The following CILP variants were observed in gnomAD, a reference collection of about 807,000 sequenced individuals.
The protein encoded by CILP is cartilage intermediate layer protein, also known as cartilage intermediate layer protein 1.
A neutral mutation model predicts 82.5 loss-of-function variants in CILP; 75 were observed. The observed-to-expected ratio is 0.91, with a 90% CI of 0.75 to 1.10. The LOEUF (loss-of-function observed/expected upper bound fraction) is 1.10, where lower values mean the gene tolerates loss of function less well. Ranked by LOEUF, CILP falls within the 50% of genes least tolerant of loss-of-function variation. The pLI, the probability that CILP is intolerant of heterozygous loss-of-function variation, is 0.00. For missense variants in CILP, 1,479 were observed against 1,530.8 expected (o/e 0.97, Z 0.56); for synonymous variants, 530 against 580.3 (o/e 0.91, Z 1.25).
rs1481201435 is a variant in CILP at position 65,201,785 on chromosome 15, T to C, written c.1186+87A>G. The C allele has an allele frequency of 1.4e-5, 11 of 761,072 alleles. No individual in the cohort carries two copies. In the East Asian group the frequency reaches 3.0e-4, roughly 21 times the overall value. The allele number at this position is 761,072 out of a possible 1,614,324, so 47.1% of individuals were successfully genotyped here. On this transcript the variant is annotated intron_variant, in intron 8 of 8. Coordinates refer to ENST00000261883, the MANE Select transcript of CILP (RefSeq NM_003613.4). ...AAAAGAAAAGAAAAAAGAAAAGCCTTAGCTATTACTGCATAGTTATGCCCA... is the reference window on the plus strand; with the variant it reads ...AAAAGAAAAGAAAAAAGAAAAGCCTCAGCTATTACTGCATAGTTATGCCCA...
chr15:65,203,196 A>G (rs1020897698), intron 7 of CILP, among the ~76,000 whole-genome samples, 166 bp downstream of exon 7: 4 of 151,926 alleles, frequency 2.6e-5, no homozygotes, highest in East Asian at 3.9e-4. Context: ...CTGGCTCCCA[A>G]CCCCATGGCT....
chr15:65,202,101 C>T, intron 7 of CILP, 72 bp from the exon 8 acceptor site: 3 of 1,326,188 alleles, frequency 2.3e-6, no homozygotes, highest in Non-Finnish European at 3.0e-6. Context: ...GTGCCAGGAG[C>T]AGGCAGCCAA....
intron 7 of CILP, among the ~76,000 whole-genome samples, chr15:65,202,527 A>G (rs1227475747): frequency 4.6e-5 from 7 of 151,936 alleles, no homozygotes; most frequent in African/African-American, 1.7e-4. Context: ...TCCCAGGTTC[A>G]AGCGATTCTC....
chr15:65,206,756 G>A (rs1225450885), intron 4 of CILP, 26 bp downstream of exon 4: 2 of 1,591,490 alleles, frequency 1.3e-6, no homozygotes, highest in South Asian at 2.2e-5. Flanking sequence ...GAAGTAGCGG[G>A]TGGGGGTGGG....
At chr15:65,210,225 C>T (rs900040259) in intron 1 of CILP, among the ~76,000 whole-genome samples, 2 of 152,058 alleles carry the variant, frequency 1.3e-5, no homozygotes, top group Non-Finnish European at 2.9e-5. Flanking sequence ...GTTTTGCCAT[C>T]CTTTGATGGA....
chr15:65,205,605 C>T (rs1595960144), intron 4 of CILP, 139 bp from the exon 5 acceptor site: 3 of 913,094 alleles, frequency 3.3e-6, no homozygotes, highest in South Asian at 3.6e-5. Flanking sequence ...TTTATATTTA[C>T]TGCAGTGATT....
At position 65,194,856 on chromosome 15, in the gene CILP, C is replaced by CG. The variant is rs2088343655; in HGVS notation, c.*1874_*1875insC. On this transcript the variant is annotated 3_prime_UTR_variant, in exon 9 of 9. Coordinates refer to ENST00000261883, the MANE Select transcript of CILP (RefSeq NM_003613.4). ...AGTCAGCCCACCTTCCCCAGCAACC[C>CG]ACCCCCCCCCGACCCTCCCCCTCCC... 2 of 136,940 alleles carry CG rather than the reference C, an allele frequency of 1.5e-5. No homozygotes were observed. Among genetic ancestry groups the CG allele is most frequent in the Non-Finnish European group, 3.2e-5 (2 of 62,516 alleles). The allele number at this position is 136,940 out of a possible 1,614,324, so 8.5% of individuals were successfully genotyped here. A position where few individuals can be genotyped will look rare whatever the true frequency, so the allele number is the denominator to read the frequency against.
At position 65,203,400 on chromosome 15, in the gene CILP, A is replaced by G; in HGVS notation, c.990T>C (p.Cys330=). The G allele has an allele frequency of 6.2e-7, 1 of 1,613,412 alleles. No individual in the cohort carries two copies. The highest frequency in any genetic ancestry group is 8.5e-7 in the Non-Finnish European group (1 of 1,179,978). Residue 330 remains cysteine (C), a synonymous_variant, in exon 7 of 9, where the codon TGT becomes TGC. Transcript: ENST00000261883. The stretch of plus-strand genomic sequence containing the variant: ...CTGGCCTGGGCTTCCCTGTGGCCTT[A>G]CAGCACAGAGACACGCTCTGCCCAG... The part of the protein sequence containing the change: ...RRAGQSVSLC[C]KATGKPRPDK...
rs1384590102 is a variant in CILP at position 65,207,667 on chromosome 15, C to A, written c.154+5G>T. On this transcript the variant is annotated splice_donor_5th_base_variant and intron_variant, in intron 3 of 8. Coordinates refer to ENST00000261883, the MANE Select transcript of CILP (RefSeq NM_003613.4). ...CAGCCCCTCCCTGCTTCAGCCACAACTCACTCTCCAGGGTGTCGGCAGGCT... is the reference window on the plus strand; with the variant it reads ...CAGCCCCTCCCTGCTTCAGCCACAAATCACTCTCCAGGGTGTCGGCAGGCT... 3.1e-6 allele frequency: 5 copies of A among 1,613,888 alleles called. No homozygotes were observed. The highest frequency in any genetic ancestry group is 3.4e-6 in the Non-Finnish European group (4 of 1,179,762).
chr15:65,208,440 A>T (rs994806940), intron 2 of CILP, among the ~76,000 whole-genome samples: 1 of 152,194 alleles, frequency 6.6e-6, no homozygotes, highest in Non-Finnish European at 1.5e-5. Context: ...TCATTCATAA[A>T]ATCCACTTAG....
rs1175496018 is a variant in CILP, at chr15:65,205,284, T to C, written c.604+3A>G. ...TGCCCAGTGCCAGGAGGGAGGGTGG[T>C]ACCTGTACAGTCCTGGCCCATGCAG... On this transcript the variant is annotated splice_donor_region_variant and intron_variant, in intron 5 of 8. Coordinates refer to ENST00000261883, the MANE Select transcript of CILP (RefSeq NM_003613.4). The C allele has an allele frequency of 1.2e-6, 2 of 1,602,234 alleles. No individual in the cohort carries two copies. The highest frequency in any genetic ancestry group is 1.7e-6 in the Non-Finnish European group (2 of 1,171,804).
rs1470883895 is a variant in CILP, at chr15:65,196,760, T to C, written c.3526A>G (p.Arg1176Gly). The C allele has an allele frequency of 3.2e-6, 5 of 1,563,322 alleles. No individual in the cohort carries two copies. The highest frequency in any genetic ancestry group is 4.3e-6 in the Non-Finnish European group (5 of 1,153,064). Residue 1176 changes from arginine (R) to glycine (G), a missense_variant, in exon 9 of 9, where the codon AGA becomes GGA. By Grantham distance (125) the Arg-to-Gly change is moderately radical. Transcript: ENST00000261883. ...GGVVASLRFPRVAQQPLIN is the reference protein window; with the variant it reads ...GGVVASLRFPGVAQQPLIN ...TTGATCAGGGGCTGTTGAGCAACTC[T>C]AGGAAATCTCAGAGAGGCCACCACT... is the stretch of plus-strand genomic sequence containing the variant.
At chr15:65,203,115 G>A (rs1403317375) in intron 7 of CILP, among the ~76,000 whole-genome samples, 1 of 152,174 alleles carries the variant, frequency 6.6e-6, no homozygotes, top group African/African-American at 2.4e-5. Flanking sequence ...GGGATTACAG[G>A]CGTGAGCTAC....
At chr15:65,207,904 G>C (rs2088535957) in intron 2 of CILP, 140 bp from the exon 3 acceptor site, 3 of 678,006 alleles carry the variant, frequency 4.4e-6, no homozygotes, top group Non-Finnish European at 7.7e-6. Context: ...GCTACTTATT[G>C]CTGTGCAATC....
chr15:65,197,509 G>A lies in CILP; in HGVS notation c.2777C>T (p.Thr926Ile). The change falls in exon 9 of 9, where the codon ACA becomes ATA. Residue 926 changes from threonine (T) to isoleucine (I), a missense_variant. Physicochemically the swap from Thr to Ile is moderately conservative, Grantham distance 89. Coordinates refer to ENST00000261883, the MANE Select transcript of CILP (RefSeq NM_003613.4). ...QIEGDRYDYN[T>I]VPFNEDDPMS... is the part of the protein sequence containing the mutation. ...AGGGTCATCTTCGTTGAAGGGGACT[G>A]TGTTGTAGTCATATCGATCCCCCTC... 6 of 1,614,244 alleles carry A rather than the reference G, an allele frequency of 3.7e-6. No individual in the cohort carries two copies. The highest frequency in any genetic ancestry group is 1.1e-5 in the South Asian group (1 of 91,082).
Position 65,203,462 on chromosome 15 carries a change from A to G in CILP, c.928T>C (p.Tyr310His), listed in dbSNP as rs753429463. The G allele has an allele frequency of 1.9e-6, 3 of 1,612,198 alleles. No individual in the cohort carries two copies. Among genetic ancestry groups the G allele is most frequent in the Non-Finnish European group, 2.5e-6 (3 of 1,179,684 alleles). ...KAEFVRAETP[Y>H]MVMNPETKAR... ...TTTGTCTCAGGGTTCATCACCATGTATGGAGTCTCTGGGACAGAAAATGAG... is the reference window on the plus strand; with the variant it reads ...TTTGTCTCAGGGTTCATCACCATGTGTGGAGTCTCTGGGACAGAAAATGAG... Residue 310 changes from tyrosine to histidine, a missense_variant, in exon 7 of 9, where the codon TAC becomes CAC. By Grantham distance (83) the Tyr-to-His change is moderately conservative. Transcript: ENST00000261883.
chr15:65,199,223 T>C, intron 8 of CILP, 124 bp from the exon 9 acceptor site: 1 of 670,858 alleles, frequency 1.5e-6, no homozygotes, highest in Non-Finnish European at 2.5e-6. Flanking sequence ...TGATTCTCAT[T>C]CTCACAGAAC....
chr15:65,204,194 G>A, intron 6 of CILP, 74 bp downstream of exon 6: 5 of 1,421,290 alleles, frequency 3.5e-6, no homozygotes, highest in Non-Finnish European at 4.9e-6. Context: ...TGGGAAGCCA[G>A]CTTTTAGCAC....
Position 65,201,853 on chromosome 15 carries a change from G to C in CILP, c.1186+19C>G. The C allele has an allele frequency of 6.8e-7, 1 of 1,471,204 alleles. No homozygotes were observed. Among genetic ancestry groups the C allele is most frequent in the Non-Finnish European group, 9.0e-7 (1 of 1,108,038 alleles). 91.1% of individuals were successfully genotyped at this position (1,471,204 alleles called of 1,614,324 possible). A position where few individuals can be genotyped will look rare whatever the true frequency, so the allele number is the denominator to read the frequency against. ...CCCTGTTGCAGACCCAGGGGCCCCA[G>C]GGACCCAGACAGGCTTACCTATGAC... On this transcript the variant is annotated intron_variant, in intron 8 of 8. Transcript: ENST00000261883.
Sources: allele counts gnomAD v4.1 joint callset (sites outside exome capture counted in the v4.1 genomes callset), GRCh38; gene constraint gnomAD v4.1.1; transcripts MANE v1.5; gene names NCBI Gene and HGNC (gene_info 2026-07-23, HGNC 2026-07-21).